Variants in PALM2AKAP2 observed in about 807,000 individuals in gnomAD.
PALM2AKAP2 encodes the protein PALM2 and AKAP2 fusion.
A neutral mutation model predicts 71.5 loss-of-function variants in PALM2AKAP2; 37 were observed. The observed-to-expected ratio is 0.52, with a 90% CI of 0.40 to 0.68. The LOEUF (loss-of-function observed/expected upper bound fraction) is 0.68. PALM2AKAP2 is among the 30% of genes least tolerant of loss of function. PALM2AKAP2 has a pLI of 0.00. For missense variants in PALM2AKAP2, 1,224 were observed against 1,191.8 expected, an observed-to-expected ratio of 1.03 and a Z score of -0.40; for synonymous variants, 468 against 478.8, an observed-to-expected ratio of 0.98 and a Z score of 0.29.
intron 6 of PALM2AKAP2, among the ~76,000 whole-genome samples, chr9:109,974,445 G>C (rs1433138698): frequency 6.6e-6 from 1 of 151,628 alleles, no homozygotes; most frequent in African/African-American, 2.4e-5. Flanking sequence ...TCAGAGCCAT[G>C]CATGCTGAAA....
intron 1 of PALM2AKAP2, among the ~76,000 whole-genome samples, chr9:110,088,703 G>GTTTTTTTTTTTTTTTTTTTTTTTTT (rs71373964): frequency 1.3e-5 from 1 of 75,574 alleles, no homozygotes. Context: ...GCATTTACGT[G>GTTTTTTTTTTTTTTTTTTTTTTTTT]TTTTTTTTTT....
At chr9:110,080,761 C>T (rs1232554685) in intron 1 of PALM2AKAP2, among the ~76,000 whole-genome samples, 1 of 152,182 alleles carries the variant, frequency 6.6e-6, no homozygotes, top group Non-Finnish European at 1.5e-5. Context: ...TCACCACAAC[C>T]TCCGCCTCCC....
At chr9:110,143,432 A>AAAAAAAAG (rs56190736) in intron 2 of PALM2AKAP2, among the ~76,000 whole-genome samples, 1 of 149,592 alleles carries the variant, frequency 6.7e-6, no homozygotes, top group South Asian at 2.1e-4. Context: ...AAAAAAAAAA[A>AAAAAAAAG]GGAGAGAGAG....
intron 1 of PALM2AKAP2, among the ~76,000 whole-genome samples, chr9:109,741,831 A>G (rs954673581): frequency 6.6e-6 from 1 of 152,232 alleles, no homozygotes; most frequent in Non-Finnish European, 1.5e-5. Flanking sequence ...CCAATTCCAC[A>G]TTATTTGTGA....
At chr9:109,772,544 T>C (rs1829284706) in intron 1 of PALM2AKAP2, among the ~76,000 whole-genome samples, 2 of 152,216 alleles carry the variant, frequency 1.3e-5, no homozygotes, top group African/African-American at 4.8e-5. Flanking sequence ...GTTTCTCCCA[T>C]CTCATCCTCT....
At chr9:110,108,798 A>T (rs903695923) in intron 1 of PALM2AKAP2, among the ~76,000 whole-genome samples, 2 of 152,336 alleles carry the variant, frequency 1.3e-5, no homozygotes, top group Admixed American at 1.3e-4. Context: ...ATATTGCACG[A>T]CAATAAAAGA....
chr9:110,091,077 G>T (rs10980179), intron 1 of PALM2AKAP2, among the ~76,000 whole-genome samples: 27,241 of 152,010 alleles, frequency 0.18, 3,321 homozygotes, highest in African/African-American at 0.34. Flanking sequence ...CAGACCTGCT[G>T]CTAGTCGGGC....
chr9:109,934,086 G>C (rs1246688608), intron 6 of PALM2AKAP2, among the ~76,000 whole-genome samples: 1 of 152,178 alleles, frequency 6.6e-6, no homozygotes. Context: ...GAAGGTTTGG[G>C]ACTCTGTATA....
intron 1 of PALM2AKAP2, among the ~76,000 whole-genome samples, chr9:110,102,776 A>G (rs1214477041): frequency 3.9e-5 from 6 of 152,182 alleles, no homozygotes; most frequent in Admixed American, 3.9e-4. Context: ...AATGACACTT[A>G]AAATTTAAGA....
intron 1 of PALM2AKAP2, among the ~76,000 whole-genome samples, chr9:109,852,106 A>T (rs1829037420): frequency 6.6e-6 from 1 of 152,128 alleles, no homozygotes; most frequent in South Asian, 2.1e-4. Flanking sequence ...ATATTTATTT[A>T]TTTATATTTT....
rs376278574 is a variant in PALM2AKAP2, at chr9:109,815,543, G to C, written c.45+35010G>C. On this transcript the variant is annotated intron_variant, in intron 1 of 9. Coordinates refer to the PALM2AKAP2 transcript ENST00000302798. ...GGGAGTCAGGGTAGACAGAAACAGG[G>C]GGGTAGGTGAAGATGAAAGAACTTT... 2.2e-4 allele frequency among the ~76,000 whole-genome samples: 33 copies of C among 152,268 alleles called. No homozygotes were observed. In the South Asian group the frequency reaches 6.8e-3, roughly 32 times the overall value.
At chr9:109,971,648 A>T (rs1406789576) in intron 6 of PALM2AKAP2, among the ~76,000 whole-genome samples, 1 of 151,962 alleles carries the variant, frequency 6.6e-6, no homozygotes, top group South Asian at 2.1e-4. Flanking sequence ...CTGATCTCGA[A>T]CTCCTTACCT....
intron 7 of PALM2AKAP2, among the ~76,000 whole-genome samples, chr9:110,020,042 A>G (rs994518542): frequency 8.5e-5 from 13 of 152,318 alleles, no homozygotes; most frequent in African/African-American, 2.9e-4. Context: ...ATTTAGCTAT[A>G]GCTATTCCTA....
At chr9:109,680,991 A>G (rs1827723784) in intron 1 of PALM2AKAP2, among the ~76,000 whole-genome samples, 1 of 152,250 alleles carries the variant, frequency 6.6e-6, no homozygotes, top group Non-Finnish European at 1.5e-5. Flanking sequence ...AGAAAAAGTA[A>G]GTATAAGGAA....
At chr9:110,101,045 T>G (rs528593696) in intron 1 of PALM2AKAP2, among the ~76,000 whole-genome samples, 87 of 152,264 alleles carry the variant, frequency 5.7e-4, no homozygotes, top group African/African-American at 2.1e-3. Context: ...TGAATAGAGA[T>G]TAGAGTGAAC....
intron 5 of PALM2AKAP2, among the ~76,000 whole-genome samples, chr9:109,930,404 T>G (rs890283483): frequency 5.3e-5 from 8 of 152,150 alleles, no homozygotes; most frequent in Admixed American, 5.2e-4. Context: ...TTTTGTATTT[T>G]TAGTAGAGAC....
At chr9:110,118,259 G>T (rs7861940) in intron 1 of PALM2AKAP2, among the ~76,000 whole-genome samples, 112,739 of 151,206 alleles carry the variant, frequency 0.75, 42,355 homozygotes, top group East Asian at 0.97. Flanking sequence ...ATTTAATTTT[G>T]GTTTTTGAGA....
At chr9:110,028,822 T>G (rs1250960792) in intron 7 of PALM2AKAP2, among the ~76,000 whole-genome samples, 2 of 152,120 alleles carry the variant, frequency 1.3e-5, no homozygotes, top group African/African-American at 2.4e-5. Context: ...CTGGGTGTTC[T>G]GTATTTTTAT....
intron 6 of PALM2AKAP2, among the ~76,000 whole-genome samples, chr9:109,936,291 C>G (rs1831215888): frequency 6.6e-6 from 1 of 152,200 alleles, no homozygotes; most frequent in Non-Finnish European, 1.5e-5. Flanking sequence ...TGGCTTTAGT[C>G]ACCCTACTCT....
Sources: gnomAD v4.1 joint callset for allele counts (sites outside exome capture counted in the v4.1 genomes callset) on GRCh38, gnomAD v4.1.1 for gene constraint, MANE v1.5 for transcripts, NCBI Gene and HGNC (gene_info 2026-07-23, HGNC 2026-07-21) for gene names.